The following SIGLEC5 variants were observed in gnomAD, a reference collection of about 807,000 sequenced individuals.
The protein encoded by SIGLEC5 is sialic acid binding Ig like lectin 5.
In SIGLEC5, 34 loss-of-function variants were observed where a neutral mutation model predicts 45.9. The ratio of observed to expected loss-of-function variants is 0.74; its 90% CI spans 0.56 to 0.99. The LOEUF (loss-of-function observed/expected upper bound fraction) is 0.99. SIGLEC5 is among the 50% of genes least tolerant of loss of function. The pLI is 0.00. For missense variants in SIGLEC5, 508 were observed against 629.6 expected, an observed-to-expected ratio of 0.81 and a Z score of 2.07; for synonymous variants, 203 against 258.6, an observed-to-expected ratio of 0.79 and a Z score of 2.06.
rs777477812 is a variant in SIGLEC5 at position 51,629,036 on chromosome 19, A to T, written c.739+2T>A. The T allele has an allele frequency of 6.2e-7, 1 of 1,613,518 alleles. No individual in the cohort carries two copies. The highest frequency in any genetic ancestry group is 8.5e-7 in the Non-Finnish European group (1 of 1,179,724). On this transcript the variant is annotated splice_donor_variant, in intron 4 of 8. Transcript: ENST00000683636. LOFTEE classifies it high-confidence loss of function. ...CAGCTTCAGAGAGGAGGTCTTTCCT[A>T]CCTATGCCGTTCCTGAAGATGGTGA...
intron 2 of SIGLEC5, 80 bp downstream of exon 2, chr19:51,629,753 C>T: frequency 2.8e-6 from 3 of 1,062,046 alleles, no homozygotes; most frequent in South Asian, 2.9e-5. Context: ...CTCCTCCAGC[C>T]GCCCCTGCCC....
Position 51,628,095 on chromosome 19 carries a change from T to C in SIGLEC5, c.740-4A>G. ...GTGTTTTGCAGGATCTCTAGGGCTTTGGGGAGAGAAGGGTGGGGAAAGAGA... is the reference window on the plus strand; with the variant it reads ...GTGTTTTGCAGGATCTCTAGGGCTTCGGGGAGAGAAGGGTGGGGAAAGAGA... On this transcript the variant is annotated splice_polypyrimidine_tract_variant and splice_region_variant and intron_variant, in intron 4 of 8. Coordinates refer to ENST00000683636, the MANE Select transcript of SIGLEC5 (RefSeq NM_003830.4). 3 of 1,513,012 alleles carry C rather than the reference T, an allele frequency of 2.0e-6. No homozygotes were observed. The highest frequency in any genetic ancestry group is 1.8e-6 in the Non-Finnish European group (2 of 1,129,804). The allele number at this position is 1,513,012 out of a possible 1,614,324, so 93.7% of individuals were successfully genotyped here. A position where few individuals can be genotyped will look rare whatever the true frequency, so the allele number is the denominator to read the frequency against.
chr19:51,625,785 G>A (rs1196292768), intron 8 of SIGLEC5, among the ~76,000 whole-genome samples: 7 of 152,136 alleles, frequency 4.6e-5, no homozygotes, highest in African/African-American at 1.2e-4. Context: ...AGCCAAGATC[G>A]CACCATTGCA....
chr19:51,612,474 AG>A, intron 8 of SIGLEC5, 52 bp from the exon 9 acceptor site: 1 of 1,270,446 alleles, frequency 7.9e-7, no homozygotes, highest in South Asian at 1.3e-5. Flanking sequence ...AGGCAGGTGT[AG>A]AATAATGAGT....
rs778734174 is a variant in SIGLEC5, at chr19:51,630,310, A to G, written c.26T>C (p.Leu9Pro). The part of the protein sequence containing the change: MLPLLLLP[L>P]LWGGSLQEKP... The stretch of plus-strand genomic sequence containing the variant: ...CTCAGCTCACTCACCCCCCCACAGC[A>G]GGGGCAGCAGCAGCAGGGGCAGCAT... The change falls in exon 1 of 9, where the codon CTG becomes CCG. Residue 9 changes from leucine to proline, a missense_variant. Physicochemically the swap from Leu to Pro is moderately conservative, Grantham distance 98. Around this residue, in one of 2 missense-constraint regions of SIGLEC5, gnomAD observed 77 missense variants for 200.8 expected, o/e 0.38. Transcript: ENST00000683636. The G allele has an allele frequency of 8.2e-4, 653 of 799,210 alleles. 3 individuals are homozygous for G. The Middle Eastern group carries it at 0.012, about 14-fold the overall frequency. 49.5% of individuals were successfully genotyped at this position (799,210 alleles called of 1,614,324 possible).
At chr19:51,617,728 A>G (rs1983120053) in intron 8 of SIGLEC5, among the ~76,000 whole-genome samples, 1 of 152,190 alleles carries the variant, frequency 6.6e-6, no homozygotes, top group Non-Finnish European at 1.5e-5. Flanking sequence ...AAGAGAAAGA[A>G]GAACAGAAAA....
intron 7 of SIGLEC5, among the ~76,000 whole-genome samples, chr19:51,626,342 C>A (rs930741359): frequency 6.6e-6 from 1 of 152,128 alleles, no homozygotes; most frequent in Non-Finnish European, 1.5e-5. Context: ...CCCTCTTACA[C>A]ACAAAACCAT....
At chr19:51,626,502 A>G (rs1385688135) in intron 7 of SIGLEC5, among the ~76,000 whole-genome samples, 1 of 152,248 alleles carries the variant, frequency 6.6e-6, no homozygotes, top group Non-Finnish European at 1.5e-5. Context: ...GTATCGATGC[A>G]TGCTACAACA....
At chr19:51,617,358 C>A (rs149160426) in intron 8 of SIGLEC5, among the ~76,000 whole-genome samples, 3 of 151,808 alleles carry the variant, frequency 2.0e-5, no homozygotes, top group African/African-American at 7.2e-5. Context: ...AAGGGCCCCA[C>A]GAGTGCAAGA....
rs145384215 is a variant in SIGLEC5, at chr19:51,628,639, A to G, written c.739+399T>C. Among the ~76,000 whole-genome samples the G allele has an allele frequency of 5.9e-3, 852 of 144,108 alleles. 8 individuals carry two copies. The highest frequency in any genetic ancestry group is 0.021 in the African/African-American group (813 of 38,360). 94.5% of individuals were successfully genotyped at this position (144,108 alleles called of 152,430 possible). A position where few individuals can be genotyped will look rare whatever the true frequency, so the allele number is the denominator to read the frequency against. On this transcript the variant is annotated intron_variant, in intron 4 of 8. Coordinates refer to ENST00000683636, the MANE Select transcript of SIGLEC5 (RefSeq NM_003830.4). Reference sequence around the variant, plus strand: ...TGTGTGCGTGTGTGGGTGTATCTGCATATGTGTGTGTGGTGTATGTGCATG... The same window carrying G: ...TGTGTGCGTGTGTGGGTGTATCTGCGTATGTGTGTGTGGTGTATGTGCATG...
At chr19:51,622,386 A>C (rs908955817) in intron 8 of SIGLEC5, among the ~76,000 whole-genome samples, 1 of 149,146 alleles carries the variant, frequency 6.7e-6, no homozygotes, top group Non-Finnish European at 1.5e-5. Context: ...TGATCCACCC[A>C]CCTCGGCCTC....
chr19:51,628,965 C>G, intron 4 of SIGLEC5, 73 bp downstream of exon 4: 1 of 1,417,748 alleles, frequency 7.1e-7, no homozygotes, highest in Admixed American at 1.9e-5. Context: ...TGCATTCAAG[C>G]TCTGATTCTC....
chr19:51,625,860 A>G (rs530798268), intron 8 of SIGLEC5, among the ~76,000 whole-genome samples, 172 bp downstream of exon 8: 1 of 152,250 alleles, frequency 6.6e-6, no homozygotes, highest in Admixed American at 6.5e-5. Context: ...AACAAAACAA[A>G]GAAGGTTGAA....
At chr19:51,626,216 C>T in intron 7 of SIGLEC5, 103 bp from the exon 8 acceptor site, 1 of 887,722 alleles carries the variant, frequency 1.1e-6, no homozygotes, top group Non-Finnish European at 1.8e-6. Flanking sequence ...TGAAGCCATC[C>T]AGGCCCCGGA....
At chr19:51,612,708 G>A (rs1982903341) in intron 8 of SIGLEC5, among the ~76,000 whole-genome samples, 1 of 152,150 alleles carries the variant, frequency 6.6e-6, no homozygotes, top group South Asian at 2.1e-4. Flanking sequence ...ATTGACTCCT[G>A]TGTCCCTCAT....
intron 8 of SIGLEC5, among the ~76,000 whole-genome samples, chr19:51,618,852 T>C (rs1002229342): frequency 2.7e-5 from 4 of 146,262 alleles, no homozygotes; most frequent in Non-Finnish European, 6.0e-5. Flanking sequence ...CTATGTTTGA[T>C]AAAATGTTCA....
intron 4 of SIGLEC5, among the ~76,000 whole-genome samples, chr19:51,628,729 T>A (rs1278471209): frequency 6.7e-6 from 1 of 149,394 alleles, no homozygotes; most frequent in Non-Finnish European, 1.5e-5. Flanking sequence ...GTGTGGTGTG[T>A]GTGCATGTGT....
intron 4 of SIGLEC5, 102 bp downstream of exon 4, chr19:51,628,936 T>C: frequency 1.7e-6 from 2 of 1,189,484 alleles, no homozygotes; most frequent in South Asian, 1.4e-5. Flanking sequence ...TTCTCATTCT[T>C]GCTCTTCCCA....
chr19:51,627,213 C>T lies in SIGLEC5; in HGVS notation c.1318G>A (p.Ala440Thr). Residue 440 changes from alanine (A) to threonine (T), a missense_variant, in exon 7 of 9, where the codon GCC (alanine) becomes ACC (threonine). By Grantham distance (58) the Ala-to-Thr change is moderately conservative (BLOSUM62 0). Transcript: ENST00000683636. ...GCCATGACACCAGCACCACCAAGGG[C>T]TGCAGGAACCACTCCTGTCCCGAGG... ...SNLGTGVVPA[A>T]LGGAGVMALL... 4.3e-6 allele frequency: 7 copies of T among 1,614,138 alleles called. No homozygotes were observed. The highest frequency in any genetic ancestry group is 5.9e-6 in the Non-Finnish European group (7 of 1,180,024).
Sources: gnomAD v4.1 joint callset for allele counts (sites outside exome capture counted in the v4.1 genomes callset) on GRCh38, gnomAD v4.1.1 for gene constraint, gnomAD v4.1.1 regional missense constraint, MANE v1.5 for transcripts, NCBI Gene and HGNC (gene_info 2026-07-23, HGNC 2026-07-21) for gene names.